LRRC7: variants seen among roughly 807,000 people sequenced by gnomAD.
The protein encoded by LRRC7 is leucine-rich repeat-containing protein 7.
A neutral mutation model predicts 175.7 loss-of-function variants in LRRC7; 23 were observed. The ratio of observed to expected loss-of-function variants is 0.13; its 90% confidence interval spans 0.09 to 0.19. LRRC7 has a LOEUF of 0.19. Among genes scored for constraint, LRRC7 ranks in the 10% least tolerant of loss-of-function variants. The probability of loss-of-function intolerance (pLI) is 1.00; values close to 1 mark genes in which losing one functional copy is unlikely to be tolerated. For missense variants in LRRC7, 1,354 were observed against 1,904.7 expected, an observed-to-expected ratio of 0.71 and a Z score of 5.38; for synonymous variants, 685 against 680.9, an observed-to-expected ratio of 1.01 and a Z score of -0.09.
chr1:69,985,528 G>A (rs570886950), intron 9 of LRRC7, among the ~76,000 whole-genome samples: 30 of 152,134 alleles, frequency 2.0e-4, no homozygotes, highest in African/African-American at 4.3e-4. Flanking sequence ...ATACAGTTCC[G>A]TGGTTTTTGG....
At chr1:69,983,053 A>G (rs2101892558) in intron 9 of LRRC7, among the ~76,000 whole-genome samples, 1 of 152,360 alleles carries the variant, frequency 6.6e-6, no homozygotes, top group South Asian at 2.1e-4. Flanking sequence ...AGGAACAAAA[A>G]AGAAACACAC....
intron 1 of LRRC7, among the ~76,000 whole-genome samples, chr1:69,571,761 G>C (rs925773367): frequency 6.6e-6 from 1 of 152,048 alleles, no homozygotes; most frequent in African/African-American, 2.4e-5. Flanking sequence ...CATTCCACGA[G>C]ATTATAACTT....
chr1:69,695,074 A>T (rs1268286403), intron 2 of LRRC7, among the ~76,000 whole-genome samples: 1 of 152,184 alleles, frequency 6.6e-6, no homozygotes, highest in Non-Finnish European at 1.5e-5. Flanking sequence ...ATAAGGGAAA[A>T]TTTGAAACTT....
chr1:69,806,766 T>C (rs1677164321), intron 4 of LRRC7, among the ~76,000 whole-genome samples: 1 of 151,998 alleles, frequency 6.6e-6, no homozygotes, highest in Non-Finnish European at 1.5e-5. Context: ...TTGAACTTTC[T>C]TTTTAGTGTA....
At chr1:69,676,254 T>C (rs1165762194) in intron 1 of LRRC7, among the ~76,000 whole-genome samples, 3 of 152,060 alleles carry the variant, frequency 2.0e-5, no homozygotes, top group Non-Finnish European at 4.4e-5. Flanking sequence ...ACAAGGAACA[T>C]AATCCTCTCT....
chr1:69,888,231 G>A (rs529076015), intron 7 of LRRC7, among the ~76,000 whole-genome samples: 62 of 152,212 alleles, frequency 4.1e-4, no homozygotes, highest in Admixed American at 1.8e-3. Context: ...CTGCCTCCTT[G>A]CAGTTTGATC....
intron 23 of LRRC7, among the ~76,000 whole-genome samples, chr1:70,055,000 G>GACCA (rs1249741167): frequency 6.6e-6 from 1 of 152,026 alleles, no homozygotes; most frequent in African/African-American, 2.4e-5. Flanking sequence ...TTCTCTTGAT[G>GACCA]ACCACTTCAA....
At chr1:69,692,475 C>T (rs903443545) in intron 2 of LRRC7, among the ~76,000 whole-genome samples, 1 of 152,142 alleles carries the variant, frequency 6.6e-6, no homozygotes, top group African/African-American at 2.4e-5. Flanking sequence ...TTTATTAGGG[C>T]AGCCTTTACC....
At chr1:69,960,797 A>AC (rs936114627) in intron 8 of LRRC7, among the ~76,000 whole-genome samples, 1 of 150,874 alleles carries the variant, frequency 6.6e-6, no homozygotes, top group African/African-American at 2.4e-5. Context: ...TTAAAAAAAA[A>AC]CTCTCAATAA....
intron 1 of LRRC7, among the ~76,000 whole-genome samples, chr1:69,657,351 T>C (rs1418848121): frequency 6.6e-6 from 1 of 151,930 alleles, no homozygotes. Flanking sequence ...TTTGCATAGA[T>C]GATTTCATGC....
chr1:70,015,982 A>G (rs1241175138), intron 13 of LRRC7, among the ~76,000 whole-genome samples: 2 of 152,212 alleles, frequency 1.3e-5, no homozygotes, highest in African/African-American at 4.8e-5. Context: ...TGTTCCATGA[A>G]GGAAAATACA....
At chr1:70,085,287 G>C (rs1044218721) in intron 24 of LRRC7, among the ~76,000 whole-genome samples, 9 of 151,982 alleles carry the variant, frequency 5.9e-5, no homozygotes, top group Non-Finnish European at 1.2e-4. Flanking sequence ...TCAGCCTCTG[G>C]TCTACTTTAC....
chr1:69,663,816 G>A (rs1293410401), intron 1 of LRRC7, among the ~76,000 whole-genome samples: 1 of 143,348 alleles, frequency 7.0e-6, no homozygotes, highest in Non-Finnish European at 1.5e-5. Flanking sequence ...CCGCTTCCCG[G>A]GTTCACGCCA....
intron 2 of LRRC7, among the ~76,000 whole-genome samples, chr1:69,737,064 T>G (rs1011291887): frequency 3.3e-5 from 5 of 152,110 alleles, no homozygotes; most frequent in Admixed American, 1.3e-4. Flanking sequence ...CCCAAATTAT[T>G]ATACTGTAAG....
intron 1 of LRRC7, among the ~76,000 whole-genome samples, chr1:69,619,909 A>T (rs1489882596): frequency 6.6e-6 from 1 of 152,118 alleles, no homozygotes; most frequent in Non-Finnish European, 1.5e-5. Flanking sequence ...CAGTCCATTA[A>T]AAATGAAAGA....
intron 3 of LRRC7, among the ~76,000 whole-genome samples, chr1:69,763,537 A>G (rs945146191): frequency 6.6e-6 from 1 of 152,064 alleles, no homozygotes; most frequent in African/African-American, 2.4e-5. Flanking sequence ...AATTGGGCTA[A>G]ATAATAACGG....
At chr1:70,094,035 G>A (rs191200071) in intron 25 of LRRC7, among the ~76,000 whole-genome samples, 1 of 152,284 alleles carries the variant, frequency 6.6e-6, no homozygotes, top group Non-Finnish European at 1.5e-5. Flanking sequence ...TGCTCCATCT[G>A]AGGGAAGAAG....
intron 2 of LRRC7, among the ~76,000 whole-genome samples, chr1:69,711,662 A>G (rs1210884616): frequency 6.6e-6 from 1 of 152,202 alleles, no homozygotes; most frequent in Non-Finnish European, 1.5e-5. Flanking sequence ...TTGGCATTCA[A>G]ATCTGGCCTA....
chr1:69,729,989 A>G (rs1319958433), intron 2 of LRRC7, among the ~76,000 whole-genome samples: 3 of 152,294 alleles, frequency 2.0e-5, no homozygotes, highest in South Asian at 2.1e-4. Flanking sequence ...TCAACACCAC[A>G]TGAAAGCTAC....
Sources: allele counts gnomAD v4.1 joint callset (sites outside exome capture counted in the v4.1 genomes callset), GRCh38; gene constraint gnomAD v4.1.1; transcripts MANE v1.5; gene names NCBI Gene and HGNC (gene_info 2026-07-23, HGNC 2026-07-21).